NIBAN1: variants seen among roughly 807,000 people sequenced by gnomAD.
The protein encoded by NIBAN1 is niban apoptosis regulator 1.
Under a neutral mutation model 75.1 loss-of-function variants are expected in NIBAN1, and 81 were observed. The ratio of observed to expected loss-of-function variants is 1.08; its 90% CI spans 0.90 to 1.30. The LOEUF is 1.30. NIBAN1 is among the 50% of genes most tolerant of loss of function. The pLI is 0.00. For missense variants in NIBAN1, 1,133 were observed against 1,128.1 expected (o/e 1.00, Z -0.06); for synonymous variants, 436 against 424.8 (o/e 1.03, Z -0.32).
chr1:184,917,536 T>C lies in NIBAN1; in HGVS notation c.56-18227A>G, dbSNP rs534249674. 2.0e-3 allele frequency among the ~76,000 whole-genome samples: 298 copies of C among 151,974 alleles called. 2 individuals carry two copies. The highest frequency in any genetic ancestry group is 3.2e-3 in the Non-Finnish European group (220 of 67,932). The stretch of plus-strand genomic sequence containing the variant: ...TCTCTTCCACTTTTCAAAGCAGCTC[T>C]CACATCTTCAAAAGTATCCTTAAAC... On this transcript the variant is annotated intron_variant, in intron 1 of 13. Coordinates refer to ENST00000367511, the MANE Select transcript of NIBAN1 (RefSeq NM_052966.4).
At chr1:184,799,740 T>C (rs1337202011) in intron 12 of NIBAN1, among the ~76,000 whole-genome samples, 1 of 56,378 alleles carries the variant, frequency 1.8e-5, no homozygotes, top group Non-Finnish European at 3.1e-5. Context: ...CCATTCTTTT[T>C]TTTTTTTTTT....
intron 5 of NIBAN1, among the ~76,000 whole-genome samples, chr1:184,882,215 T>G (rs1656396050): frequency 6.6e-6 from 1 of 152,116 alleles, no homozygotes; most frequent in African/African-American, 2.4e-5. Context: ...CTTAACTTTT[T>G]GGGTAATTAT....
rs545701221 is a variant in NIBAN1, at chr1:184,859,357, T to C, written c.601+25276A>G. 2.0e-5 allele frequency among the ~76,000 whole-genome samples: 3 copies of C among 152,318 alleles called. 1 individual carries two copies. In the South Asian group the frequency reaches 6.2e-4, roughly 32 times the overall value. ...CAAATACATCCTCAGCCTACCCACG[T>C]TGATCAATATCACATTTCTTCCATG... On this transcript the variant is annotated intron_variant, in intron 5 of 13. Coordinates refer to ENST00000367511, the MANE Select transcript of NIBAN1 (RefSeq NM_052966.4).
chr1:184,898,514 G>T (rs1656863846), intron 2 of NIBAN1, among the ~76,000 whole-genome samples: 1 of 152,144 alleles, frequency 6.6e-6, no homozygotes, highest in South Asian at 2.1e-4. Flanking sequence ...CACTCAGGAG[G>T]CTGAGGCAGG....
intron 8 of NIBAN1, among the ~76,000 whole-genome samples, chr1:184,820,583 T>C (rs1654668316): frequency 6.6e-6 from 1 of 152,248 alleles, no homozygotes; most frequent in Non-Finnish European, 1.5e-5. Context: ...CCATGTCCCA[T>C]TCGTGTATGC....
At chr1:184,963,625 A>G (rs1658706511) in intron 1 of NIBAN1, among the ~76,000 whole-genome samples, 1 of 152,232 alleles carries the variant, frequency 6.6e-6, no homozygotes, top group African/African-American at 2.4e-5. Context: ...AAATAACCAG[A>G]TGGAAAATAC....
chr1:184,827,554 A>C (rs1654873877), intron 6 of NIBAN1, among the ~76,000 whole-genome samples: 1 of 32,800 alleles, frequency 3.0e-5, no homozygotes, highest in South Asian at 6.0e-4. Flanking sequence ...ACCTAAAAAT[A>C]CTTCAGTTTT....
intron 9 of NIBAN1, among the ~76,000 whole-genome samples, chr1:184,813,104 C>T (rs1654430819): frequency 6.6e-6 from 1 of 152,104 alleles, no homozygotes; most frequent in Non-Finnish European, 1.5e-5. Flanking sequence ...CTTTCCTGGC[C>T]CTGTTCTTCC....
At chr1:184,901,397 C>T (rs944822142) in intron 1 of NIBAN1, among the ~76,000 whole-genome samples, 3 of 152,190 alleles carry the variant, frequency 2.0e-5, no homozygotes, top group Non-Finnish European at 4.4e-5. Context: ...CTTTAATATA[C>T]TCAGGCTTTA....
chr1:184,818,266 A>G (rs1220322059), intron 9 of NIBAN1, among the ~76,000 whole-genome samples: 4 of 152,176 alleles, frequency 2.6e-5, no homozygotes, highest in African/African-American at 9.7e-5. Context: ...AGCTATTTCT[A>G]TTAGTTAATT....
chr1:184,818,632 T>C lies in NIBAN1; in HGVS notation c.1173+6A>G. The C allele has an allele frequency of 6.3e-7, 1 of 1,583,934 alleles. No homozygotes were observed. Among genetic ancestry groups the C allele is most frequent in the Non-Finnish European group, 8.6e-7 (1 of 1,159,064 alleles). On this transcript the variant is annotated splice_donor_region_variant and intron_variant, in intron 9 of 13. Transcript: ENST00000367511. ...TCACACCCAGCTCCTCAGCTTTGTA[T>C]CCTACCTCCTTTAGCTGGACACTGT... is the stretch of plus-strand genomic sequence containing the variant.
intron 10 of NIBAN1, 62 bp from the exon 11 acceptor site, chr1:184,806,118 G>A: frequency 1.5e-6 from 2 of 1,373,050 alleles, no homozygotes; most frequent in Non-Finnish European, 2.1e-6. Flanking sequence ...CCACCCACAG[G>A]CCTGGCTAAG....
chr1:184,936,852 G>C (rs1657974290), intron 1 of NIBAN1, among the ~76,000 whole-genome samples: 1 of 151,978 alleles, frequency 6.6e-6, no homozygotes, highest in African/African-American at 2.4e-5. Flanking sequence ...CAAGTTCCAG[G>C]GATTAGGACC....
chr1:184,795,650 G>T lies in NIBAN1; in HGVS notation c.2114C>A (p.Ala705Asp), dbSNP rs1653834913. The change falls in exon 14 of 14, where the codon GCC becomes GAC. Residue 705 changes from alanine to aspartate, a missense_variant. Coordinates refer to ENST00000367511, the MANE Select transcript of NIBAN1 (RefSeq NM_052966.4). ...TCTGAGCGCCTTCAAAGAACCCGAG[G>T]CAGTGATGGGTTCTGGCTCTTCCTG... ...PAQEEPEPIT[A>D]SGSLKALRKL... 1 of 1,614,218 alleles carries T rather than the reference G, an allele frequency of 6.2e-7. No individual in the cohort carries two copies.
In NIBAN1 at chr1:184,946,125, A is replaced by T. The variant is rs181339752; in HGVS notation, c.55+28177T>A. On this transcript the variant is annotated intron_variant, in intron 1 of 13. Coordinates refer to ENST00000367511, the MANE Select transcript of NIBAN1 (RefSeq NM_052966.4). ...AACAACAAGAAGCATTCTAATGGTT[A>T]TGTTAGGCACAAAAGGAACACAAGG... 7.2e-4 allele frequency among the ~76,000 whole-genome samples: 109 copies of T among 152,368 alleles called. 1 individual carries two copies. The South Asian group carries it at 0.017, about 23-fold the overall frequency.
At chr1:184,890,833 C>T (rs990585238) in intron 3 of NIBAN1, among the ~76,000 whole-genome samples, 5 of 152,198 alleles carry the variant, frequency 3.3e-5, no homozygotes, top group Non-Finnish European at 7.4e-5. Flanking sequence ...ACAAGAAGCT[C>T]TGCTATTTGA....
At chr1:184,898,147 TC>T (rs1656853298) in intron 2 of NIBAN1, among the ~76,000 whole-genome samples, 1 of 152,202 alleles carries the variant, frequency 6.6e-6, no homozygotes, top group African/African-American at 2.4e-5. Flanking sequence ...CCTCCCTTGC[TC>T]ACAGTGCTCC....
At chr1:184,819,150 G>C (rs1216105293) in intron 8 of NIBAN1, among the ~76,000 whole-genome samples, 1 of 152,104 alleles carries the variant, frequency 6.6e-6, no homozygotes, top group Non-Finnish European at 1.5e-5. Context: ...CCTATCTACT[G>C]TCAATCACTA....
intron 1 of NIBAN1, among the ~76,000 whole-genome samples, chr1:184,918,896 CT>C (rs1657459897): frequency 6.6e-6 from 1 of 152,198 alleles, no homozygotes; most frequent in African/African-American, 2.4e-5. Flanking sequence ...TGTATTTTCC[CT>C]GTCCACCCTC....
Sources: allele counts gnomAD v4.1 joint callset (sites outside exome capture counted in the v4.1 genomes callset), GRCh38; gene constraint gnomAD v4.1.1; transcripts MANE v1.5; gene names NCBI Gene and HGNC (gene_info 2026-07-23, HGNC 2026-07-21).